ST6GALNAC3: variants seen among roughly 807,000 people sequenced by gnomAD.
The protein encoded by ST6GALNAC3 is ST6 N-acetylgalactosaminide alpha-2,6-sialyltransferase 3, also known as alpha-N-acetylgalactosaminide alpha-2,6-sialyltransferase 3.
Under a neutral mutation model 32.7 loss-of-function variants are expected in ST6GALNAC3, and 25 were observed. The ratio of observed to expected loss-of-function variants is 0.76; its 90% confidence interval spans 0.56 to 1.07. The LOEUF is 1.07. Ranked by LOEUF, ST6GALNAC3 falls within the 50% of genes least tolerant of loss-of-function variation. The probability of loss-of-function intolerance (pLI) is 0.00; values close to 1 mark genes in which losing one functional copy is unlikely to be tolerated. For synonymous variants in ST6GALNAC3, 129 were observed against 133.1 expected (o/e 0.97, Z 0.21); for missense variants, 355 against 382.4 (o/e 0.93, Z 0.60).
chr1:76,176,028 A>G (rs938413742), intron 1 of ST6GALNAC3, among the ~76,000 whole-genome samples: 2 of 152,228 alleles, frequency 1.3e-5, no homozygotes, highest in African/African-American at 2.4e-5. Flanking sequence ...TGATTTCCCA[A>G]TTATAAATAA....
rs146701568 is a variant in ST6GALNAC3 at position 76,290,263 on chromosome 1, G to C, written c.19-23542G>C. ...TGCTCAGGTAAGACTATTTTAAAAA[G>C]TACACTATTGCTGTGTAGATCCTTT... On this transcript the variant is annotated intron_variant, in intron 1 of 4. Transcript: ENST00000328299. Among the ~76,000 whole-genome samples, 496 of 152,268 alleles carry C rather than the reference G, an allele frequency of 3.3e-3. 4 individuals are homozygous for C. Among genetic ancestry groups the C allele is most frequent in the African/African-American group, 0.011 (467 of 41,554 alleles).
intron 2 of ST6GALNAC3, among the ~76,000 whole-genome samples, chr1:76,331,583 A>C (rs75800280): frequency 2.6e-5 from 4 of 152,308 alleles, no homozygotes; most frequent in Non-Finnish European, 5.9e-5. Flanking sequence ...TCAGTTCCTC[A>C]TCTGACCAAT....
At chr1:76,133,206 A>G (rs994740300) in intron 1 of ST6GALNAC3, among the ~76,000 whole-genome samples, 3 of 152,076 alleles carry the variant, frequency 2.0e-5, no homozygotes, top group Admixed American at 6.5e-5. Flanking sequence ...GCCCACATCT[A>G]TTCTTTAATT....
At position 76,600,906 on chromosome 1, in the gene ST6GALNAC3, G is replaced by A. The variant is rs926146586; in HGVS notation, c.624-26546G>A. Among the ~76,000 whole-genome samples, 7 of 152,248 alleles carry A rather than the reference G, an allele frequency of 4.6e-5. No individual in the cohort carries two copies. The South Asian group carries it at 6.2e-4, about 14-fold the overall frequency. ...CCTAAAAAATATTCCCTTTTGGTGG[G>A]GCATGGTCACTCACGCCTGTAATCC... On this transcript the variant is annotated intron_variant, in intron 3 of 4. Transcript: ENST00000328299.
intron 2 of ST6GALNAC3, among the ~76,000 whole-genome samples, chr1:76,349,647 T>C (rs867430942): frequency 7.2e-5 from 11 of 152,184 alleles, no homozygotes; most frequent in Admixed American, 3.3e-4. Flanking sequence ...ACCATCCTGA[T>C]ATATTTTCTT....
At chr1:76,504,858 A>G (rs1227156624) in intron 3 of ST6GALNAC3, among the ~76,000 whole-genome samples, 1 of 152,214 alleles carries the variant, frequency 6.6e-6, no homozygotes, top group Non-Finnish European at 1.5e-5. Flanking sequence ...GCATATTAAT[A>G]GGATCACATG....
At chr1:76,532,049 C>G (rs1008908386) in intron 3 of ST6GALNAC3, among the ~76,000 whole-genome samples, 1 of 152,178 alleles carries the variant, frequency 6.6e-6, no homozygotes, top group African/African-American at 2.4e-5. Context: ...TTTGTCTTCT[C>G]TTTACTGACT....
chr1:76,598,605 T>C (rs2100616343), intron 3 of ST6GALNAC3, among the ~76,000 whole-genome samples: 1 of 152,278 alleles, frequency 6.6e-6, no homozygotes, highest in East Asian at 1.9e-4. Context: ...TCTTCAATGA[T>C]GGGAAAAAGT....
chr1:76,558,103 G>A (rs966289983), intron 3 of ST6GALNAC3, among the ~76,000 whole-genome samples: 1 of 152,150 alleles, frequency 6.6e-6, no homozygotes, highest in African/African-American at 2.4e-5. Context: ...CAACATTGGA[G>A]AAGTTGTGGA....
At chr1:76,499,156 C>A (rs1661031756) in intron 3 of ST6GALNAC3, among the ~76,000 whole-genome samples, 1 of 152,016 alleles carries the variant, frequency 6.6e-6, no homozygotes, top group African/African-American at 2.4e-5. Context: ...TAAAGAAATG[C>A]CACTGACTTA....
At chr1:76,285,438 A>G (rs1215992892) in intron 1 of ST6GALNAC3, among the ~76,000 whole-genome samples, 1 of 145,202 alleles carries the variant, frequency 6.9e-6, no homozygotes, top group Admixed American at 6.8e-5. Flanking sequence ...TGACTTACCC[A>G]TTAGGCACCA....
At chr1:76,125,486 C>A (rs1557636766) in intron 1 of ST6GALNAC3, among the ~76,000 whole-genome samples, 1 of 152,184 alleles carries the variant, frequency 6.6e-6, no homozygotes, top group Non-Finnish European at 1.5e-5. Flanking sequence ...CACCTCTCTC[C>A]CCTCTGCTCC....
chr1:76,225,994 G>A (rs1258965050), intron 1 of ST6GALNAC3, among the ~76,000 whole-genome samples: 1 of 152,106 alleles, frequency 6.6e-6, no homozygotes, highest in Non-Finnish European at 1.5e-5. Flanking sequence ...GGTTAATAAA[G>A]TCTTCTCTCT....
chr1:76,585,028 C>A (rs1426356096), intron 3 of ST6GALNAC3, among the ~76,000 whole-genome samples: 1 of 151,642 alleles, frequency 6.6e-6, no homozygotes, highest in Non-Finnish European at 1.5e-5. Context: ...AAGAAATAAG[C>A]TAAGTCCTTG....
intron 1 of ST6GALNAC3, among the ~76,000 whole-genome samples, chr1:76,092,012 T>C (rs1485489117): frequency 6.6e-6 from 1 of 152,210 alleles, no homozygotes; most frequent in African/African-American, 2.4e-5. Flanking sequence ...TTTAATTGCT[T>C]AAAGTCAGAG....
chr1:76,593,413 C>G (rs1028755295), intron 3 of ST6GALNAC3, among the ~76,000 whole-genome samples: 1 of 151,990 alleles, frequency 6.6e-6, no homozygotes, highest in Non-Finnish European at 1.5e-5. Context: ...TTCTGAATGC[C>G]CACATTAGAT....
chr1:76,465,776 A>T (rs540150330), intron 3 of ST6GALNAC3, among the ~76,000 whole-genome samples: 1 of 151,114 alleles, frequency 6.6e-6, no homozygotes, highest in South Asian at 2.1e-4. Context: ...TTTCCTCATT[A>T]TTTCTCTCTC....
intron 1 of ST6GALNAC3, among the ~76,000 whole-genome samples, chr1:76,113,215 T>C (rs1322500322): frequency 6.6e-6 from 1 of 151,730 alleles, no homozygotes; most frequent in African/African-American, 2.4e-5. Flanking sequence ...GGCGCGCGCC[T>C]GCAATCGCAG....
At chr1:76,497,058 T>A (rs932915569) in intron 3 of ST6GALNAC3, among the ~76,000 whole-genome samples, 21 of 152,202 alleles carry the variant, frequency 1.4e-4, no homozygotes, top group African/African-American at 5.1e-4. Context: ...ATTTGGATCC[T>A]TGCCAAAGGT....
Sources: allele counts gnomAD v4.1 joint callset (sites outside exome capture counted in the v4.1 genomes callset), GRCh38; gene constraint gnomAD v4.1.1; transcripts MANE v1.5; gene names NCBI Gene and HGNC (gene_info 2026-07-23, HGNC 2026-07-21).